PALM2AKAP2: variants seen among roughly 807,000 people sequenced by gnomAD.
PALM2AKAP2 encodes PALM2 and AKAP2 fusion, also known as PALM2-AKAP2 fusion protein.
PALM2AKAP2 carries 37 observed loss-of-function variants against 71.5 expected under a neutral mutation model. The ratio of observed to expected loss-of-function variants is 0.52; its 90% confidence interval spans 0.40 to 0.68. The LOEUF (loss-of-function observed/expected upper bound fraction) is 0.68. Among genes scored for constraint, PALM2AKAP2 ranks in the 30% least tolerant of loss-of-function variants. The pLI is 0.00. For synonymous variants in PALM2AKAP2, 468 were observed against 478.8 expected, an observed-to-expected ratio of 0.98 and a Z score of 0.29; for missense variants, 1,224 against 1,191.8, an observed-to-expected ratio of 1.03 and a Z score of -0.40.
intron 1 of PALM2AKAP2, among the ~76,000 whole-genome samples, chr9:109,677,724 G>A (rs935885670): frequency 1.3e-5 from 2 of 151,588 alleles, no homozygotes; most frequent in African/African-American, 4.9e-5. Context: ...ACTTGGTCCT[G>A]CATTTTAAGA....
chr9:110,010,873 G>A (rs915443974), intron 6 of PALM2AKAP2, among the ~76,000 whole-genome samples: 92 of 147,518 alleles, frequency 6.2e-4, no homozygotes, highest in African/African-American at 2.2e-3. Flanking sequence ...GTACATGCCT[G>A]TAATCTCAGC....
At chr9:109,799,682 G>C (rs555541959) in intron 1 of PALM2AKAP2, among the ~76,000 whole-genome samples, 13 of 152,212 alleles carry the variant, frequency 8.5e-5, no homozygotes, top group African/African-American at 3.1e-4. Flanking sequence ...TTTTTGTAGA[G>C]ATGGGGTTTC....
chr9:109,715,561 C>A (rs1327691770), intron 1 of PALM2AKAP2, among the ~76,000 whole-genome samples: 1 of 152,208 alleles, frequency 6.6e-6, no homozygotes, highest in Non-Finnish European at 1.5e-5. Context: ...CTGCTGTCCA[C>A]TCCCTGCAGT....
intron 1 of PALM2AKAP2, among the ~76,000 whole-genome samples, chr9:109,699,690 A>T (rs982061444): frequency 1.3e-5 from 2 of 152,288 alleles, no homozygotes; most frequent in East Asian, 3.9e-4. Flanking sequence ...GATTATTCAG[A>T]GGTGATTGAA....
chr9:110,146,669 G>T (rs1366142283), intron 2 of PALM2AKAP2, among the ~76,000 whole-genome samples: 2 of 152,156 alleles, frequency 1.3e-5, no homozygotes, highest in African/African-American at 2.4e-5. Context: ...ATATGACTGT[G>T]TCTTTTACCA....
intron 1 of PALM2AKAP2, among the ~76,000 whole-genome samples, chr9:109,730,759 A>T (rs1034107133): frequency 3.3e-5 from 5 of 152,148 alleles, no homozygotes; most frequent in African/African-American, 1.2e-4. Flanking sequence ...GGCCAATGGG[A>T]TGTGTTGCAA....
intron 1 of PALM2AKAP2, among the ~76,000 whole-genome samples, chr9:109,755,633 G>A (rs553849822): frequency 4.9e-4 from 74 of 152,132 alleles, no homozygotes; most frequent in African/African-American, 1.7e-3. Context: ...CTGAGCAACA[G>A]AGTGAAACCT....
In PALM2AKAP2 at chr9:109,797,324, C is replaced by CT. The variant is rs374931446; in HGVS notation, c.45+16796dup. Among the ~76,000 whole-genome samples the CT allele has an allele frequency of 2.7e-3, 418 of 152,290 alleles. 3 individuals are homozygous for CT. The highest frequency in any genetic ancestry group is 9.6e-3 in the African/African-American group (401 of 41,558). ...GCACATCACAGATACTCACTGAATG[C>CT]TTTTTGAATGGAAACAGTTGCTTTG... On this transcript the variant is annotated intron_variant, in intron 1 of 9. Coordinates refer to the PALM2AKAP2 transcript ENST00000302798.
At chr9:110,088,077 G>A (rs1278647263) in intron 1 of PALM2AKAP2, among the ~76,000 whole-genome samples, 1 of 152,138 alleles carries the variant, frequency 6.6e-6, no homozygotes, top group Admixed American at 6.5e-5. Context: ...ACAAACAAAG[G>A]AAGGAAAGAA....
At chr9:109,889,176 A>G (rs888144781) in intron 3 of PALM2AKAP2, among the ~76,000 whole-genome samples, 4 of 152,252 alleles carry the variant, frequency 2.6e-5, no homozygotes, top group African/African-American at 9.6e-5. Context: ...CTGAGCCATG[A>G]AAGTCTGTTC....
At chr9:109,724,051 G>A (rs1828441542) in intron 1 of PALM2AKAP2, among the ~76,000 whole-genome samples, 1 of 152,098 alleles carries the variant, frequency 6.6e-6, no homozygotes, top group African/African-American at 2.4e-5. Flanking sequence ...GAAAACAAAT[G>A]AAAGTATATA....
intron 1 of PALM2AKAP2, among the ~76,000 whole-genome samples, chr9:109,830,314 C>G (rs897399068): frequency 1.3e-4 from 20 of 152,264 alleles, no homozygotes; most frequent in African/African-American, 4.8e-4. Flanking sequence ...AATTCATTGT[C>G]CAAATAGACC....
chr9:109,650,221 A>T (rs556092663), intron 1 of PALM2AKAP2, among the ~76,000 whole-genome samples: 1 of 152,000 alleles, frequency 6.6e-6, no homozygotes, highest in African/African-American at 2.4e-5. Context: ...ACCACCAAAC[A>T]TTGGGCCTTT....
intron 1 of PALM2AKAP2, among the ~76,000 whole-genome samples, chr9:109,797,842 A>C (rs374187353): frequency 2.0e-5 from 3 of 152,224 alleles, no homozygotes; most frequent in African/African-American, 7.2e-5. Flanking sequence ...TTCACCAGGT[A>C]AACACATCAG....
intron 1 of PALM2AKAP2, among the ~76,000 whole-genome samples, chr9:110,109,685 A>G (rs1835201484): frequency 6.6e-6 from 1 of 152,206 alleles, no homozygotes; most frequent in South Asian, 2.1e-4. Context: ...GTTTAACCTG[A>G]ATCCTTGCTG....
At chr9:109,915,136 G>T (rs539041852) in intron 3 of PALM2AKAP2, among the ~76,000 whole-genome samples, 59 of 152,312 alleles carry the variant, frequency 3.9e-4, no homozygotes, top group African/African-American at 1.4e-3. Context: ...CTTGATCTCT[G>T]CCCTTTCAAG....
chr9:110,014,779 CAAAAAAAAAAA>C (rs57087790), intron 6 of PALM2AKAP2, among the ~76,000 whole-genome samples: 1 of 16,586 alleles, frequency 6.0e-5, no homozygotes, highest in Non-Finnish European at 9.7e-5. Flanking sequence ...TCCTCTGTCT[CAAAAAAAAAAA>C]AAAAAAAAAA....
At chr9:109,998,764 CAAAA>C (rs766171217) in intron 6 of PALM2AKAP2, among the ~76,000 whole-genome samples, 6 of 70,774 alleles carry the variant, frequency 8.5e-5, no homozygotes, top group Non-Finnish European at 2.8e-5. Context: ...GACCCTGTCG[CAAAA>C]AAAAAAAAAA....
chr9:110,137,287 C>CAGAG lies in PALM2AKAP2; in HGVS notation c.1317_1318insAGAG (p.Ser440ArgfsTer21), dbSNP rs1444072847. The CAGAG allele has an allele frequency of 1.2e-6, 2 of 1,614,198 alleles. No individual in the cohort carries two copies. The highest frequency in any genetic ancestry group is 2.2e-5 in the South Asian group (2 of 91,072). On this transcript the variant is annotated frameshift_variant, in exon 2 of 4. Transcript: ENST00000374525. LOFTEE classifies it high-confidence loss of function. ...AGGGCCAGAGTACACCCAGGCTGTTCTCCATCAAGCCTTTCTACAGGCCTC... is the reference window on the plus strand; with the variant it reads ...AGGGCCAGAGTACACCCAGGCTGTTCAGAGTCCATCAAGCCTTTCTACAGGCCTC...
Sources: gnomAD v4.1 joint callset for allele counts (sites outside exome capture counted in the v4.1 genomes callset) on GRCh38, gnomAD v4.1.1 for gene constraint, MANE v1.5 for transcripts, NCBI Gene and HGNC (gene_info 2026-07-23, HGNC 2026-07-21) for gene names.